Variants in ARID1B observed in about 807,000 individuals in gnomAD.
The protein encoded by ARID1B is AT-rich interaction domain 1B, also known as AT-rich interactive domain-containing protein 1B.
ARID1B carries 30 observed loss-of-function variants against 212.3 expected under a neutral mutation model. The ratio of observed to expected loss-of-function variants is 0.14; its 90% CI spans 0.11 to 0.19. The LOEUF (loss-of-function observed/expected upper bound fraction) is 0.19, where lower values mean the gene tolerates loss of function less well. Among genes scored for constraint, ARID1B ranks in the 10% least tolerant of loss-of-function variants. The pLI is 1.00. For missense variants in ARID1B, 2,891 were observed against 3,204.0 expected (o/e 0.90, Z 2.36); for synonymous variants, 1,402 against 1,301.7 (o/e 1.08, Z -1.66).
At chr6:157,046,848 A>T (rs1035337781) in intron 4 of ARID1B, among the ~76,000 whole-genome samples, 4 of 152,180 alleles carry the variant, frequency 2.6e-5, no homozygotes, top group Non-Finnish European at 5.9e-5. Context: ...CAAAGAGAAA[A>T]TGTAACCTAA....
chr6:157,027,368 A>T (rs756826771), intron 4 of ARID1B, among the ~76,000 whole-genome samples: 1 of 152,232 alleles, frequency 6.6e-6, no homozygotes, highest in Admixed American at 6.5e-5. Context: ...TTGAACTTTG[A>T]AAGGTTTTAA....
At chr6:156,871,584 C>G in intron 2 of ARID1B, 1 of 1,595,270 alleles carries the variant, frequency 6.3e-7, no homozygotes, top group Non-Finnish European at 8.6e-7. Context: ...AACACTGTTG[C>G]TCCTAATTAC....
intron 1 of ARID1B, among the ~76,000 whole-genome samples, chr6:156,819,099 A>C (rs183140460): frequency 6.6e-6 from 1 of 152,332 alleles, no homozygotes; most frequent in East Asian, 1.9e-4. Context: ...TCACAGAGCT[A>C]CAAGTGGTGG....
chr6:156,836,969 A>G (rs1333229328), intron 2 of ARID1B, among the ~76,000 whole-genome samples: 2 of 152,208 alleles, frequency 1.3e-5, no homozygotes, highest in African/African-American at 4.8e-5. Flanking sequence ...CAGCCTCAGC[A>G]TTAGATTTTA....
chr6:157,131,344 G>A (rs1372080873), intron 6 of ARID1B, among the ~76,000 whole-genome samples: 2 of 152,190 alleles, frequency 1.3e-5, no homozygotes, highest in African/African-American at 4.8e-5. Context: ...GATTACCAGT[G>A]ATTATGAAAA....
intron 5 of ARID1B, among the ~76,000 whole-genome samples, chr6:157,097,661 G>C (rs1162971668): frequency 6.6e-6 from 1 of 152,164 alleles, no homozygotes; most frequent in Non-Finnish European, 1.5e-5. Flanking sequence ...TTTGATTAAA[G>C]GAAAGTGCCT....
chr6:157,140,089 A>T (rs1297674698), intron 7 of ARID1B, among the ~76,000 whole-genome samples: 1 of 152,172 alleles, frequency 6.6e-6, no homozygotes, highest in African/African-American at 2.4e-5. Context: ...TAAATTGCGT[A>T]TCTGTGCGTG....
chr6:157,193,408 A>G (rs960373866), intron 15 of ARID1B: 1 of 152,262 alleles, frequency 6.6e-6, no homozygotes, highest in African/African-American at 2.4e-5. Context: ...CAGTATAACA[A>G]ACTACCCCCA....
intron 1 of ARID1B, among the ~76,000 whole-genome samples, chr6:156,784,972 C>T (rs929256950): frequency 1.3e-5 from 2 of 152,102 alleles, no homozygotes; most frequent in African/African-American, 4.8e-5. Context: ...GTTGCCCAGG[C>T]TGGTCTCGAA....
rs1789987223 is a variant in ARID1B, at chr6:157,148,843, C to G, written c.2981C>G (p.Ser994Cys). 8 of 1,613,018 alleles carry G rather than the reference C, an allele frequency of 5.0e-6. No individual in the cohort carries two copies. The highest frequency in any genetic ancestry group is 5.9e-6 in the Non-Finnish European group (7 of 1,179,966). Residue 994 changes from serine to cysteine, a missense_variant, in exon 8 of 20, where the codon TCT becomes TGT. Ser to Cys is a moderately radical substitution (Grantham distance 112, BLOSUM62 -1). Around this residue, in one of 7 missense-constraint regions of ARID1B, gnomAD observed 1,643 missense variants for 1,544.0 expected, o/e 1.06. Coordinates refer to ENST00000636930, the MANE Select transcript of ARID1B (RefSeq NM_001374828.1). The surrounding 1 kb of genome is among the most constrained non-coding windows in gnomAD (Gnocchi z 5.6). ...ATGACCCCCAGTTCTCCTGGCATGT[C>G]TCAGCAGGGAGGGCCAGGAATGGGG... ...SSMTPSSPGMSQQGGPGMGPP... is the reference protein window; with the variant it reads ...SSMTPSSPGMCQQGGPGMGPP...
intron 4 of ARID1B, among the ~76,000 whole-genome samples, chr6:156,980,209 G>A (rs961762560): frequency 2.0e-5 from 3 of 152,198 alleles, no homozygotes; most frequent in South Asian, 2.1e-4. Flanking sequence ...AAGGTCGGGC[G>A]TGATGGCTCA....
intron 4 of ARID1B, among the ~76,000 whole-genome samples, chr6:157,046,820 A>T (rs1233484746): frequency 6.6e-6 from 1 of 152,180 alleles, no homozygotes; most frequent in Non-Finnish European, 1.5e-5. Context: ...ATGGCCAGTT[A>T]CTTTTCAGCA....
chr6:157,038,337 T>C (rs1349662925), intron 4 of ARID1B, among the ~76,000 whole-genome samples: 2 of 152,142 alleles, frequency 1.3e-5, no homozygotes, highest in Non-Finnish European at 2.9e-5. Flanking sequence ...CAAGTTGGAT[T>C]ATTTATATAT....
At chr6:156,931,961 TAAAAAAAAAAAAA>T (rs56102774) in intron 3 of ARID1B, among the ~76,000 whole-genome samples, 1 of 97,414 alleles carries the variant, frequency 1.0e-5, no homozygotes, top group Non-Finnish European at 2.0e-5. Flanking sequence ...GATTCCGTCT[TAAAAAAAAAAAAA>T]AAAAAAAAAA....
chr6:157,091,971 T>C (rs76389033), intron 5 of ARID1B, among the ~76,000 whole-genome samples: 2,605 of 152,280 alleles, frequency 0.017, 73 homozygotes, highest in African/African-American at 0.058. Flanking sequence ...TTGGCTTCAC[T>C]GGAGGTGGAA....
rs910758214 is a variant in ARID1B at position 157,004,914 on chromosome 6, T to G, written c.2247+69338T>G. Among the ~76,000 whole-genome samples the G allele has an allele frequency of 3.0e-3, 360 of 119,060 alleles. 4 individuals carry two copies. The highest frequency in any genetic ancestry group is 7.7e-3 in the African/African-American group (212 of 27,616). 78.1% of individuals were successfully genotyped at this position (119,060 alleles called of 152,430 possible). On this transcript the variant is annotated intron_variant, in intron 4 of 19. Transcript: ENST00000636930. ...TCTTTTTTCTTTTTTTTTTTTTTTT[T>G]TTTTTTTTTTTTTTTTTGAGATGAG...
chr6:157,107,544 A>G (rs904943881), intron 5 of ARID1B, among the ~76,000 whole-genome samples: 1 of 152,236 alleles, frequency 6.6e-6, no homozygotes, highest in African/African-American at 2.4e-5. Context: ...TGCAGGTGAC[A>G]GTTCTGCACC....
intron 4 of ARID1B, among the ~76,000 whole-genome samples, chr6:157,067,978 C>T (rs1293284540): frequency 6.6e-6 from 1 of 152,198 alleles, no homozygotes; most frequent in African/African-American, 2.4e-5. Context: ...CTTCAGAACT[C>T]CTAACTTTAT....
At chr6:156,796,920 G>C (rs1780421769) in intron 1 of ARID1B, among the ~76,000 whole-genome samples, 1 of 150,468 alleles carries the variant, frequency 6.6e-6, no homozygotes, top group African/African-American at 2.5e-5. Context: ...CATGTGCTTT[G>C]AGGTCTTTGA....
Sources: allele counts gnomAD v4.1 joint callset (sites outside exome capture counted in the v4.1 genomes callset), GRCh38; gene constraint gnomAD v4.1.1; regional missense constraint gnomAD v4.1.1; non-coding constraint Gnocchi (gnomAD v3.1); transcripts MANE v1.5; gene names NCBI Gene and HGNC (gene_info 2026-07-23, HGNC 2026-07-21).